Variants in ESR1 observed in about 807,000 individuals in gnomAD.
ESR1 encodes estrogen receptor.
In ESR1, 12 loss-of-function variants were observed where a neutral mutation model predicts 52.7. That is an observed-to-expected ratio of 0.23 (90% CI 0.15 to 0.37). The LOEUF (loss-of-function observed/expected upper bound fraction) is 0.37, where lower values mean the gene tolerates loss of function less well. Among genes scored for constraint, ESR1 ranks in the 10% least tolerant of loss-of-function variants. The pLI is 1.00. For missense variants in ESR1, 584 were observed against 779.7 expected (o/e 0.75, Z 2.99); for synonymous variants, 305 against 316.8 (o/e 0.96, Z 0.39).
At chr6:152,008,371 G>A (rs1295827949) in intron 4 of ESR1, among the ~76,000 whole-genome samples, 1 of 152,028 alleles carries the variant, frequency 6.6e-6, no homozygotes, top group African/African-American at 2.4e-5. Flanking sequence ...ACATTTCAAC[G>A]GAAGGATCGA....
chr6:151,836,285 AAG>A (rs1459325273), intron 1 of ESR1, among the ~76,000 whole-genome samples: 3 of 152,370 alleles, frequency 2.0e-5, no homozygotes, highest in East Asian at 1.9e-4. Flanking sequence ...TATAAAGAAA[AAG>A]AGATTTAATG....
At chr6:152,041,166 C>A (rs940074476) in intron 5 of ESR1, among the ~76,000 whole-genome samples, 1 of 152,188 alleles carries the variant, frequency 6.6e-6, no homozygotes, top group Non-Finnish European at 1.5e-5. Context: ...TCCTAGAGGC[C>A]TCCCCTGTGA....
intron 3 of ESR1, among the ~76,000 whole-genome samples, chr6:151,936,432 C>T (rs1190693196): frequency 6.6e-6 from 1 of 152,158 alleles, no homozygotes; most frequent in Non-Finnish European, 1.5e-5. Context: ...TTGCTTGTTA[C>T]ACTTTATGGG....
At chr6:152,114,916 A>G (rs1014474310) in intron 6 of ESR1, among the ~76,000 whole-genome samples, 5 of 146,900 alleles carry the variant, frequency 3.4e-5, no homozygotes, top group Non-Finnish European at 7.5e-5. Flanking sequence ...AAAAAAAAAA[A>G]GCAAGTCAAA....
chr6:151,883,497 C>T (rs568965441), intron 3 of ESR1, among the ~76,000 whole-genome samples: 2 of 151,726 alleles, frequency 1.3e-5, no homozygotes, highest in Non-Finnish European at 2.9e-5. Context: ...CTTTCCTCTG[C>T]GTCCGAGCAC....
chr6:151,809,730 C>T (rs1196216535), intron 1 of ESR1, among the ~76,000 whole-genome samples: 1 of 152,076 alleles, frequency 6.6e-6, no homozygotes, highest in African/African-American at 2.4e-5. Flanking sequence ...TTAGAGCATC[C>T]CACAGCCACG....
chr6:151,897,082 A>AC (rs1420123210), intron 3 of ESR1, among the ~76,000 whole-genome samples: 1 of 151,984 alleles, frequency 6.6e-6, no homozygotes, highest in African/African-American at 2.4e-5. Context: ...TTTTTTTGAC[A>AC]CTTGTTTGTG....
chr6:151,877,184 A>T (rs1280722889), intron 2 of ESR1, among the ~76,000 whole-genome samples: 1 of 152,174 alleles, frequency 6.6e-6, no homozygotes, highest in African/African-American at 2.4e-5. Context: ...ATATGTATAC[A>T]TGTGCCATGC....
chr6:152,104,593 T>C (rs780174325), downstream of ESR1, among the ~76,000 whole-genome samples: 2 of 152,234 alleles, frequency 1.3e-5, no homozygotes, highest in Non-Finnish European at 2.9e-5. Flanking sequence ...GTTTTAGTGA[T>C]ATTATGGTAC....
chr6:151,963,287 T>C (rs1216148321), intron 4 of ESR1, among the ~76,000 whole-genome samples: 4 of 152,242 alleles, frequency 2.6e-5, no homozygotes, highest in African/African-American at 9.6e-5. Context: ...TCCAGATCTA[T>C]AATTTTTCAA....
At chr6:151,741,868 A>G (rs550352983) in intron 2 of ESR1, among the ~76,000 whole-genome samples, 14 of 152,300 alleles carry the variant, frequency 9.2e-5, no homozygotes, top group Non-Finnish European at 2.1e-4. Context: ...TGTAGATTAA[A>G]TCTCTAGACT....
intron 5 of ESR1, among the ~76,000 whole-genome samples, chr6:152,036,192 T>C (rs1315373175): frequency 6.6e-6 from 1 of 152,118 alleles, no homozygotes; most frequent in Admixed American, 6.5e-5. Context: ...AAACCTCGTC[T>C]CTACTAAAAA....
chr6:151,856,867 C>G (rs1377772698), intron 2 of ESR1, among the ~76,000 whole-genome samples: 2 of 152,156 alleles, frequency 1.3e-5, no homozygotes, highest in African/African-American at 2.4e-5. Flanking sequence ...GTTCCCACAT[C>G]TCCTTACTGG....
chr6:152,016,227 TAA>T (rs2043160478), intron 5 of ESR1, among the ~76,000 whole-genome samples: 1 of 152,178 alleles, frequency 6.6e-6, no homozygotes, highest in South Asian at 2.1e-4. Flanking sequence ...CTGAGTCAAT[TAA>T]ACCTCTTTCT....
At position 151,752,321 on chromosome 6, in the gene ESR1, G is replaced by A. The variant is rs533543501; in HGVS notation, c.-71+50316G>A. Among the ~76,000 whole-genome samples, 11 of 152,196 alleles carry A rather than the reference G, an allele frequency of 7.2e-5. No individual in the cohort carries two copies. The East Asian group carries it at 1.5e-3, about 21-fold the overall frequency. Reference sequence around the variant, plus strand: ...AAAAATTAGCAATGGCAAAATGGACGCACTCTGAAATGTATTCTTAATAAT... The same window carrying A: ...AAAAATTAGCAATGGCAAAATGGACACACTCTGAAATGTATTCTTAATAAT... On this transcript the variant is annotated intron_variant, in intron 2 of 2. Coordinates refer to the ESR1 transcript ENST00000404742.
chr6:151,757,230 G>A (rs1399136347), intron 2 of ESR1, among the ~76,000 whole-genome samples: 3 of 68,296 alleles, frequency 4.4e-5, no homozygotes, highest in Non-Finnish European at 5.0e-5. Context: ...CTATTTTAAC[G>A]TTCCATTAAA....
At chr6:151,821,332 A>G (rs1453458866) in intron 1 of ESR1, among the ~76,000 whole-genome samples, 1 of 152,208 alleles carries the variant, frequency 6.6e-6, no homozygotes, top group Admixed American at 6.5e-5. Flanking sequence ...TGCCCCAGCC[A>G]TGCTTGTCTA....
At chr6:152,120,938 A>C (rs2051311117) in intron 6 of ESR1, among the ~76,000 whole-genome samples, 1 of 152,156 alleles carries the variant, frequency 6.6e-6, no homozygotes, top group Non-Finnish European at 1.5e-5. Flanking sequence ...GGTGACACAG[A>C]CCTTGAGAGA....
At chr6:152,096,594 T>C in intron 7 of ESR1, 1 of 453,930 alleles carries the variant, frequency 2.2e-6, no homozygotes, top group Non-Finnish European at 4.4e-6. Flanking sequence ...CATGGCAGGC[T>C]TTTCCCTGCC....
Sources: allele counts gnomAD v4.1 joint callset (sites outside exome capture counted in the v4.1 genomes callset), GRCh38; gene constraint gnomAD v4.1.1; transcripts MANE v1.5; gene names NCBI Gene and HGNC (gene_info 2026-07-23, HGNC 2026-07-21).